The following TRPM2 variants were observed in gnomAD, a reference collection of about 807,000 sequenced individuals.
The protein encoded by TRPM2 is estrogen-responsive element-associated gene 1 protein.
TRPM2 carries 161 observed loss-of-function variants against 174.0 expected under a neutral mutation model. That is an observed-to-expected ratio of 0.93 (90% confidence interval 0.81 to 1.05). TRPM2 has a LOEUF of 1.05. Ranked by LOEUF, TRPM2 falls within the 50% of genes least tolerant of loss-of-function variation. The probability of loss-of-function intolerance (pLI) is 0.00; values close to 1 mark genes in which losing one functional copy is unlikely to be tolerated. For missense variants in TRPM2, 2,057 were observed against 2,038.0 expected, an observed-to-expected ratio of 1.01 and a Z score of -0.18; for synonymous variants, 954 against 861.3, an observed-to-expected ratio of 1.11 and a Z score of -1.88.
At chr21:44,350,597 G>C (rs1280997250), upstream of TRPM2, among the ~76,000 whole-genome samples, 1 of 132,750 alleles carries the variant, frequency 7.5e-6, no homozygotes, top group Non-Finnish European at 1.6e-5. Flanking sequence ...CGCGGGTGGG[G>C]CTCGAGGCGC....
chr21:44,423,344 C>G (rs892795525), intron 22 of TRPM2: 2 of 406,108 alleles, frequency 4.9e-6, no homozygotes, highest in African/African-American at 4.0e-5. Context: ...TTGTTTGTGA[C>G]CTGTCACCTG....
chr21:44,399,387 G>T lies in TRPM2; in HGVS notation c.2154G>T (p.Leu718=). The change falls in exon 14 of 32, where the codon CTG becomes CTT. Residue 718 remains leucine (L), a synonymous_variant. Transcript: ENST00000397928. The surrounding 1 kb of genome is among the most constrained non-coding windows in gnomAD (Gnocchi z 4.6). ...VSEAWGKTTC[L]QLALEAKDMK... Reference sequence around the variant, plus strand: ...AGGCCTGGGGGAAGACCACCTGCCTGCAGCTCGCCCTGGAGGCCAAGGACA... The same window carrying T: ...AGGCCTGGGGGAAGACCACCTGCCTTCAGCTCGCCCTGGAGGCCAAGGACA... The T allele has an allele frequency of 6.2e-7, 1 of 1,612,726 alleles. No individual in the cohort carries two copies. The highest frequency in any genetic ancestry group is 8.5e-7 in the Non-Finnish European group (1 of 1,179,866).
In TRPM2 at chr21:44,418,098, CA is replaced by C; in HGVS notation, c.3320del (p.Lys1107SerfsTer22). 1 of 1,611,192 alleles carries C rather than the reference CA, an allele frequency of 6.2e-7. No homozygotes were observed. The highest frequency in any genetic ancestry group is 8.5e-7 in the Non-Finnish European group (1 of 1,179,146). ...VVLKTPAKRHKQLKNKLEKNE... is the reference protein window; with the variant it reads ...VVLKTPAKRHXQLKNKLEKNE... ...TCCTGAAGACTCCGGCCAAGAGGCA[CA>C]AGCAGCTCAGTATGCCAGCCCCAGT... On this transcript the variant is annotated frameshift_variant, in exon 21 of 32. Coordinates refer to ENST00000397928, the MANE Select transcript of TRPM2 (RefSeq NM_003307.4). LOFTEE classifies it high-confidence loss of function.
In TRPM2 at chr21:44,406,756, T is replaced by G; in HGVS notation, c.2953T>G (p.Tyr985Asp). ...CACCATCTTCGGGCAGATCCCGGGC[T>G]ACATCGACGGTAGGAGCCGGGCGCC... The part of the protein sequence containing the change: ...YLTIFGQIPG[Y>D]IDGVNFNPEH... The change falls in exon 19 of 32, where the codon TAC (tyrosine) becomes GAC (aspartate). Residue 985 changes from tyrosine (Y) to aspartate (D), a missense_variant. Coordinates refer to ENST00000397928, the MANE Select transcript of TRPM2 (RefSeq NM_003307.4). The G allele has an allele frequency of 6.2e-7, 1 of 1,603,466 alleles. No individual in the cohort carries two copies. Among genetic ancestry groups the G allele is most frequent in the Non-Finnish European group, 8.5e-7 (1 of 1,176,926 alleles).
chr21:44,407,904 A>T (rs2049959834), intron 19 of TRPM2, among the ~76,000 whole-genome samples: 1 of 151,382 alleles, frequency 6.6e-6, no homozygotes, highest in South Asian at 2.1e-4. Context: ...TTTTTTAATT[A>T]AAAAATTTTA....
Position 44,399,338 on chromosome 21 carries a change from A to T in TRPM2, c.2105A>T (p.Gln702Leu). 6.2e-7 allele frequency: 1 copy of T among 1,612,848 alleles called. No homozygotes were observed. The highest frequency in any genetic ancestry group is 8.5e-7 in the Non-Finnish European group (1 of 1,179,910). ...TACCGGAAGGACGAAGAGAGAGCCC[A>T]GAAACTGCTCACCCGCGTGTCCGAG... ...ECYRKDEERA[Q>L]KLLTRVSEAW... The change falls in exon 14 of 32, where the codon CAG becomes CTG. Residue 702 changes from glutamine to leucine, a missense_variant. Transcript: ENST00000397928. This position sits in a 1 kb window ranked among gnomAD's most constrained non-coding sequence, Gnocchi z 4.6.
intron 4 of TRPM2, among the ~76,000 whole-genome samples, chr21:44,368,918 A>G (rs965117651): frequency 6.6e-6 from 1 of 152,110 alleles, no homozygotes; most frequent in South Asian, 2.1e-4. Flanking sequence ...GGTGCTGAGA[A>G]CCGCGATCCT....
intron 23 of TRPM2, among the ~76,000 whole-genome samples, chr21:44,424,192 G>A (rs560212599): frequency 1.1e-4 from 16 of 152,330 alleles, no homozygotes; most frequent in Admixed American, 5.2e-4. Flanking sequence ...CAGCCCCTGC[G>A]GGCAGTGCTG....
At chr21:44,381,907 CAAAA>C (rs751389057) in intron 8 of TRPM2, among the ~76,000 whole-genome samples, 2,176 of 66,876 alleles carry the variant, frequency 0.033, 53 homozygotes, top group African/African-American at 0.081. Flanking sequence ...AAGTCTGTCT[CAAAA>C]AAAAAAAAAA....
intron 5 of TRPM2, among the ~76,000 whole-genome samples, chr21:44,370,345 C>T (rs1305437770): frequency 6.6e-6 from 1 of 152,150 alleles, no homozygotes; most frequent in Non-Finnish European, 1.5e-5. Context: ...GCACCCACCC[C>T]CAGCTTCTCC....
Position 44,354,577 on chromosome 21 carries a change from A to G in TRPM2, c.166-71A>G. ...TGTGAAAGCTCCTCAAGGAGCTCAG[A>G]TGTGTCTCCAGGGGGCTGGGTGTGC... On this transcript the variant is annotated intron_variant, in intron 1 of 31. Coordinates refer to ENST00000397928, the MANE Select transcript of TRPM2 (RefSeq NM_003307.4). This position sits in a 1 kb window ranked among gnomAD's most constrained non-coding sequence, Gnocchi z 4.3. The G allele has an allele frequency of 7.3e-7, 1 of 1,368,066 alleles. No individual in the cohort carries two copies. The highest frequency in any genetic ancestry group is 1.0e-6 in the Non-Finnish European group (1 of 956,704). 84.7% of individuals were successfully genotyped at this position (1,368,066 alleles called of 1,614,324 possible). A position where few individuals can be genotyped will look rare whatever the true frequency, so the allele number is the denominator to read the frequency against.
chr21:44,379,066 G>A lies in TRPM2; in HGVS notation c.1084G>A (p.Val362Ile), dbSNP rs770865288. ...VVEGSGRVADVIAQVANLPVS... is the reference protein window; with the variant it reads ...VVEGSGRVADIIAQVANLPVS... ...GGAGGGCTCGGGCCGCGTGGCCGAC[G>A]TCATTGCCCAGGTGGCCAACCTGCC... Residue 362 changes from valine to isoleucine, a missense_variant, in exon 8 of 32, where the codon GTC becomes ATC. Val to Ile is a conservative substitution (Grantham distance 29). Transcript: ENST00000397928. 1.2e-5 allele frequency: 19 copies of A among 1,612,464 alleles called. No individual in the cohort carries two copies. The highest frequency in any genetic ancestry group is 3.3e-5 in the Admixed American group (2 of 60,022).
chr21:44,399,095 G>T lies in TRPM2; in HGVS notation c.2063-201G>T, dbSNP rs1203231876. On this transcript the variant is annotated intron_variant, in intron 13 of 31. Coordinates refer to ENST00000397928, the MANE Select transcript of TRPM2 (RefSeq NM_003307.4). This position sits in a 1 kb window ranked among gnomAD's most constrained non-coding sequence, Gnocchi z 4.6. The stretch of plus-strand genomic sequence containing the variant: ...TTTTCTCCCTGTTGTCATTTTTGTA[G>T]AGGCAGTTCCAGCCCTACGTGCCCT... Among the ~76,000 whole-genome samples the T allele has an allele frequency of 1.3e-5, 2 of 152,074 alleles. No individual in the cohort carries two copies. Among genetic ancestry groups the T allele is most frequent in the African/African-American group, 4.8e-5 (2 of 41,390 alleles).
chr21:44,387,456 AC>A (rs377103812), intron 9 of TRPM2, among the ~76,000 whole-genome samples: 1 of 152,378 alleles, frequency 6.6e-6, no homozygotes, highest in African/African-American at 2.4e-5. Flanking sequence ...AGAAGAAAGC[AC>A]AGGGCAAAAA....
intron 27 of TRPM2, among the ~76,000 whole-genome samples, chr21:44,430,847 A>G (rs2050993883): frequency 1.3e-5 from 2 of 151,924 alleles, no homozygotes; most frequent in South Asian, 2.1e-4. Context: ...AATTTCATCT[A>G]ACTTTTGAAA....
Position 44,441,941 on chromosome 21 carries a change from G to A in TRPM2, c.*124G>A, listed in dbSNP as rs1569128382. 7.4e-7 allele frequency: 1 copy of A among 1,342,780 alleles called. No homozygotes were observed. 83.2% of individuals were successfully genotyped at this position (1,342,780 alleles called of 1,614,324 possible). A position where few individuals can be genotyped will look rare whatever the true frequency, so the allele number is the denominator to read the frequency against. On this transcript the variant is annotated 3_prime_UTR_variant, in exon 32 of 32. Coordinates refer to ENST00000397928, the MANE Select transcript of TRPM2 (RefSeq NM_003307.4). ...GCCCTGCACATGATGGGGTTTGGTG[G>A]ACCCAGTGCCCCTCACGGCTGCCGC... is the stretch of plus-strand genomic sequence containing the variant.
Position 44,425,788 on chromosome 21 carries a change from C to G in TRPM2, c.3756C>G (p.Val1252=). ...ARHLLYPNCP[V]TRFPVPNEKV... Reference sequence around the variant, plus strand: ...ACCTCCTCTACCCCAACTGCCCTGTCACGCGCTTCCCCGTGCCCAACGAGA... The same window carrying G: ...ACCTCCTCTACCCCAACTGCCCTGTGACGCGCTTCCCCGTGCCCAACGAGA... The change falls in exon 25 of 32, where the codon GTC becomes GTG. Residue 1252 remains valine, a synonymous_variant. Transcript: ENST00000397928. The G allele has an allele frequency of 6.3e-7, 1 of 1,588,786 alleles. No individual in the cohort carries two copies. Among genetic ancestry groups the G allele is most frequent in the Non-Finnish European group, 8.6e-7 (1 of 1,161,686 alleles).
At chr21:44,401,475 C>T (rs970972763) in intron 15 of TRPM2, among the ~76,000 whole-genome samples, 1 of 152,174 alleles carries the variant, frequency 6.6e-6, no homozygotes, top group Non-Finnish European at 1.5e-5. Flanking sequence ...TCCAGCCCCA[C>T]CCCGGTGGCT....
rs41276556 is a variant in TRPM2 at position 44,406,778 on chromosome 21, C to T, written c.2962+13C>T. Reference sequence around the variant, plus strand: ...GGCTACATCGACGGTAGGAGCCGGGCGCCATGGGAGCTCGGGTGGTGCTGC... The same window carrying T: ...GGCTACATCGACGGTAGGAGCCGGGTGCCATGGGAGCTCGGGTGGTGCTGC... On this transcript the variant is annotated intron_variant, in intron 19 of 31. Transcript: ENST00000397928. 4.7e-3 allele frequency: 7,469 copies of T among 1,591,646 alleles called. 20 individuals carry two copies. Among genetic ancestry groups the T allele is most frequent in the Non-Finnish European group, 5.8e-3 (6,783 of 1,171,472 alleles).
Sources: gnomAD v4.1 joint callset for allele counts (sites outside exome capture counted in the v4.1 genomes callset) on GRCh38, gnomAD v4.1.1 for gene constraint, Gnocchi (gnomAD v3.1) non-coding constraint, MANE v1.5 for transcripts, NCBI Gene and HGNC (gene_info 2026-07-23, HGNC 2026-07-21) for gene names.